Variants in ZNF536 observed in about 807,000 individuals in gnomAD.
ZNF536 encodes the protein zinc finger protein 536.
Under a neutral mutation model 84.5 loss-of-function variants are expected in ZNF536, and 13 were observed. That is an observed-to-expected ratio of 0.15 (90% confidence interval 0.10 to 0.24). The LOEUF (loss-of-function observed/expected upper bound fraction) is 0.24. Ranked by LOEUF, ZNF536 falls within the 10% of genes least tolerant of loss-of-function variation. ZNF536 has a pLI of 1.00. For synonymous variants in ZNF536, 811 were observed against 742.5 expected (o/e 1.09, Z -1.50); for missense variants, 1,536 against 1,747.5 (o/e 0.88, Z 2.16).
chr19:30,585,185 A>G (rs2047053386), intron 1 of ZNF536, among the ~76,000 whole-genome samples: 1 of 152,172 alleles, frequency 6.6e-6, no homozygotes, highest in South Asian at 2.1e-4. Context: ...GGCCCAAGAA[A>G]TAGGCTAAGT....
intron 2 of ZNF536, among the ~76,000 whole-genome samples, chr19:30,479,000 A>G (rs960767077): frequency 6.6e-6 from 1 of 151,814 alleles, no homozygotes; most frequent in African/African-American, 2.4e-5. Context: ...TCACTGTCCA[A>G]TCCCTCAAGT....
intron 1 of ZNF536, among the ~76,000 whole-genome samples, chr19:30,397,509 CAAGA>C (rs1458793808): frequency 2.0e-5 from 3 of 152,168 alleles, no homozygotes; most frequent in Non-Finnish European, 4.4e-5. Flanking sequence ...GATGAGTAGA[CAAGA>C]TTCCTCAGTT....
At chr19:30,634,731 C>T (rs2049004773) in intron 1 of ZNF536, among the ~76,000 whole-genome samples, 1 of 152,216 alleles carries the variant, frequency 6.6e-6, no homozygotes, top group East Asian at 1.9e-4. Flanking sequence ...GCCCACGTTA[C>T]AAACTCACAC....
At chr19:30,502,462 G>A (rs938402216) in intron 2 of ZNF536, among the ~76,000 whole-genome samples, 5 of 152,032 alleles carry the variant, frequency 3.3e-5, no homozygotes, top group East Asian at 1.9e-4. Flanking sequence ...CGGAAAGATC[G>A]AACTGTGTAT....
At chr19:30,553,374 G>A (rs373229900) in intron 4 of ZNF536, among the ~76,000 whole-genome samples, 2 of 152,314 alleles carry the variant, frequency 1.3e-5, no homozygotes, top group African/African-American at 2.4e-5. Flanking sequence ...TGCATGGAAC[G>A]GTTAAAAAGT....
rs2045999132 is a variant in ZNF536, at chr19:30,557,243, T to C, written c.*79T>C. Reference sequence around the variant, plus strand: ...TCGGTGGTTATCTGCAGCTTGTTAATCGTGTAAAGTCAAGAGAAGAATGTA... The same window carrying C: ...TCGGTGGTTATCTGCAGCTTGTTAACCGTGTAAAGTCAAGAGAAGAATGTA... On this transcript the variant is annotated 3_prime_UTR_variant, in exon 5 of 5. Transcript: ENST00000355537. 6.6e-7 allele frequency: 1 copy of C among 1,513,210 alleles called. No individual in the cohort carries two copies. The highest frequency in any genetic ancestry group is 1.1e-5 in the South Asian group (1 of 88,108). The allele number at this position is 1,513,210 out of a possible 1,614,324, so 93.7% of individuals were successfully genotyped here.
intron 1 of ZNF536, among the ~76,000 whole-genome samples, chr19:30,400,264 T>C (rs569388464): frequency 3.2e-4 from 48 of 152,268 alleles, no homozygotes; most frequent in African/African-American, 1.1e-3. Flanking sequence ...TTAGATCGTA[T>C]GGTAAGGGTA....
At chr19:30,498,007 A>G (rs907933208) in intron 2 of ZNF536, among the ~76,000 whole-genome samples, 5 of 152,242 alleles carry the variant, frequency 3.3e-5, no homozygotes, top group Admixed American at 3.3e-4. Flanking sequence ...TTCAGCTTAT[A>G]GAAAATTATT....
chr19:30,426,041 G>C (rs552276681), intron 1 of ZNF536, among the ~76,000 whole-genome samples: 28 of 152,260 alleles, frequency 1.8e-4, no homozygotes, highest in Admixed American at 8.5e-4. Context: ...GGTCGGGGCT[G>C]GTAGCACACC....
intron 2 of ZNF536, among the ~76,000 whole-genome samples, chr19:30,531,396 G>T (rs904626764): frequency 6.6e-6 from 1 of 151,948 alleles, no homozygotes; most frequent in African/African-American, 2.4e-5. Flanking sequence ...AAAAGCTCCA[G>T]GAGAAATATG....
Position 30,608,116 on chromosome 19 carries a change from A to C in ZNF536, c.169+58602A>C, listed in dbSNP as rs373997713. Among the ~76,000 whole-genome samples, 11 of 152,318 alleles carry C rather than the reference A, an allele frequency of 7.2e-5. No homozygotes were observed. In the South Asian group the frequency reaches 1.9e-3, roughly 26 times the overall value. On this transcript the variant is annotated intron_variant, in intron 1 of 1. Coordinates refer to the ZNF536 transcript ENST00000592773. ...TTTATACAATAAATTCATTGAAGAG[A>C]AATTGCAATTGATTTTTTGAATGGA... is the stretch of plus-strand genomic sequence containing the variant.
intron 1 of ZNF536, among the ~76,000 whole-genome samples, chr19:30,630,143 C>T (rs1315917300): frequency 6.6e-6 from 1 of 152,226 alleles, no homozygotes; most frequent in Non-Finnish European, 1.5e-5. Context: ...CCAGGGGCTA[C>T]AGCTGGTAAC....
At chr19:30,316,475 G>A (rs1397149095) in intron 2 of ZNF536, among the ~76,000 whole-genome samples, 2 of 152,088 alleles carry the variant, frequency 1.3e-5, no homozygotes, top group Non-Finnish European at 2.9e-5. Context: ...ATTTTCAAGA[G>A]CTCTTTACAT....
At chr19:30,351,884 G>T (rs945299068) in intron 2 of ZNF536, among the ~76,000 whole-genome samples, 1 of 152,246 alleles carries the variant, frequency 6.6e-6, no homozygotes, top group African/African-American at 2.4e-5. Flanking sequence ...TTCTTGCTGG[G>T]TCTGGATTGC....
At chr19:30,637,782 T>G (rs2147300806) in intron 1 of ZNF536, among the ~76,000 whole-genome samples, 1 of 152,354 alleles carries the variant, frequency 6.6e-6, no homozygotes, top group Non-Finnish European at 1.5e-5. Flanking sequence ...ATAGCCCTTC[T>G]GGTACATAAA....
chr19:30,704,550 G>A (rs1472581470), intron 1 of ZNF536, among the ~76,000 whole-genome samples: 1 of 151,610 alleles, frequency 6.6e-6, no homozygotes, highest in Non-Finnish European at 1.5e-5. Flanking sequence ...GGGAGGCTGA[G>A]GCAGGAGAAT....
chr19:30,680,312 T>A (rs1407692188), intron 1 of ZNF536, among the ~76,000 whole-genome samples: 2 of 151,794 alleles, frequency 1.3e-5, no homozygotes, highest in Non-Finnish European at 2.9e-5. Flanking sequence ...GCAGGTTAGT[T>A]ACATATGTAT....
At chr19:30,294,487 G>A (rs1263415907) in intron 2 of ZNF536, among the ~76,000 whole-genome samples, 8 of 151,786 alleles carry the variant, frequency 5.3e-5, no homozygotes, top group Admixed American at 2.0e-4. Context: ...GTTAAAAAAT[G>A]TAAGTATGGC....
chr19:30,231,611 G>T (rs1334604090), intron 1 of ZNF536, among the ~76,000 whole-genome samples: 1 of 152,180 alleles, frequency 6.6e-6, no homozygotes, highest in Non-Finnish European at 1.5e-5. Context: ...GTACCTGCTC[G>T]GGAGTTGGAA....
Sources: gnomAD v4.1 joint callset for allele counts (sites outside exome capture counted in the v4.1 genomes callset) on GRCh38, gnomAD v4.1.1 for gene constraint, MANE v1.5 for transcripts, NCBI Gene and HGNC (gene_info 2026-07-23, HGNC 2026-07-21) for gene names.